The following PRDM16 variants were observed in gnomAD, a reference collection of about 807,000 sequenced individuals.
The protein encoded by PRDM16 is PR/SET domain 16, also known as histone-lysine N-methyltransferase PRDM16.
PRDM16 carries 23 observed loss-of-function variants against 110.6 expected under a neutral mutation model. That is an observed-to-expected ratio of 0.21 (90% confidence interval 0.15 to 0.29). PRDM16 has a LOEUF of 0.29. PRDM16 is among the 10% of genes least tolerant of loss of function. The probability of loss-of-function intolerance (pLI) is 1.00; values close to 1 mark genes in which losing one functional copy is unlikely to be tolerated. For synonymous variants in PRDM16, 799 were observed against 781.8 expected, an observed-to-expected ratio of 1.02 and a Z score of -0.37; for missense variants, 1,615 against 1,794.3, an observed-to-expected ratio of 0.90 and a Z score of 1.81.
intron 10 of PRDM16, among the ~76,000 whole-genome samples, chr1:3,416,508 C>A (rs905233114): frequency 6.6e-6 from 1 of 152,176 alleles, no homozygotes; most frequent in Admixed American, 6.5e-5. Flanking sequence ...CTTCTCCTCA[C>A]CCCCACACCC....
intron 2 of PRDM16, among the ~76,000 whole-genome samples, chr1:3,193,712 A>T (rs1638378266): frequency 2.0e-5 from 3 of 152,126 alleles, no homozygotes; most frequent in African/African-American, 4.8e-5. Flanking sequence ...AATGCATAGG[A>T]AAATGTAAGA....
At chr1:3,419,981 G>GA (rs1045339454) in intron 12 of PRDM16, among the ~76,000 whole-genome samples, 1 of 151,830 alleles carries the variant, frequency 6.6e-6, no homozygotes, top group African/African-American at 2.4e-5. Flanking sequence ...GCTAGCAGCA[G>GA]AAAGATTTAT....
chr1:3,272,583 G>A (rs1184627526), intron 3 of PRDM16, among the ~76,000 whole-genome samples: 2 of 152,228 alleles, frequency 1.3e-5, no homozygotes, highest in African/African-American at 2.4e-5. Flanking sequence ...CAGTGAGCCT[G>A]GGGACATTCA....
chr1:3,219,417 G>A lies in PRDM16; in HGVS notation c.388-24670G>A, dbSNP rs1192396750. Among the ~76,000 whole-genome samples the A allele has an allele frequency of 3.3e-5, 5 of 152,194 alleles. No individual in the cohort carries two copies. The South Asian group carries it at 6.2e-4, about 19-fold the overall frequency. On this transcript the variant is annotated intron_variant, in intron 2 of 16. Transcript: ENST00000270722. ...TCACACAAGACACACATTGTCTGCC[G>A]TGCCAGCTCCCGGAGGACCTGCCTT... is the stretch of plus-strand genomic sequence containing the variant.
chr1:3,419,290 G>A (rs957522654), intron 12 of PRDM16, among the ~76,000 whole-genome samples: 5 of 152,172 alleles, frequency 3.3e-5, no homozygotes, highest in Admixed American at 6.5e-5. Context: ...GATGGGAAGC[G>A]GTGCGTCTGC....
intron 1 of PRDM16, among the ~76,000 whole-genome samples, chr1:3,171,076 C>G (rs567179380): frequency 8.3e-4 from 127 of 152,280 alleles, no homozygotes; most frequent in Non-Finnish European, 1.6e-3. Flanking sequence ...CCCTCAGCGC[C>G]CCACGGAGAC....
In PRDM16 at chr1:3,256,277, G is replaced by A. The variant is rs114782536; in HGVS notation, c.438+12140G>A. Among the ~76,000 whole-genome samples, 1,055 of 152,250 alleles carry A rather than the reference G, an allele frequency of 6.9e-3. 17 individuals carry two copies. Among genetic ancestry groups the A allele is most frequent in the African/African-American group, 0.023 (951 of 41,568 alleles). On this transcript the variant is annotated intron_variant, in intron 3 of 16. Coordinates refer to ENST00000270722, the MANE Select transcript of PRDM16 (RefSeq NM_022114.4). ...CAGGGGCTGCTGCGGGCTGGGGGTC[G>A]GAATGAGTGGGCAGGGCATGGGCTC...
intron 3 of PRDM16, among the ~76,000 whole-genome samples, chr1:3,376,814 T>C (rs1162051288): frequency 6.7e-6 from 1 of 148,924 alleles, no homozygotes; most frequent in East Asian, 2.1e-4. Flanking sequence ...CCAGGCTTGC[T>C]GACCGCCGAC....
At chr1:3,248,085 A>G (rs987986545) in intron 3 of PRDM16, among the ~76,000 whole-genome samples, 1 of 152,236 alleles carries the variant, frequency 6.6e-6, no homozygotes, top group Non-Finnish European at 1.5e-5. Context: ...GCTCGCTGAA[A>G]ATGGATGGAA....
chr1:3,189,831 C>T (rs937629221), intron 2 of PRDM16, among the ~76,000 whole-genome samples: 2 of 152,122 alleles, frequency 1.3e-5, no homozygotes, highest in Admixed American at 6.5e-5. Context: ...GAACAGGGTG[C>T]GCGTCTCTTG....
intron 1 of PRDM16, among the ~76,000 whole-genome samples, chr1:3,137,106 G>A (rs1460866391): frequency 6.6e-6 from 1 of 152,172 alleles, no homozygotes; most frequent in African/African-American, 2.4e-5. Flanking sequence ...CACAGTGCAG[G>A]GGGTGGGAGT....
At chr1:3,182,363 G>T (rs1644221281) in intron 1 of PRDM16, among the ~76,000 whole-genome samples, 1 of 152,206 alleles carries the variant, frequency 6.6e-6, no homozygotes, top group African/African-American at 2.4e-5. Flanking sequence ...GGACGGTGGT[G>T]AGGGATCCCC....
At chr1:3,259,131 G>A (rs1431298263) in intron 3 of PRDM16, among the ~76,000 whole-genome samples, 1 of 152,088 alleles carries the variant, frequency 6.6e-6, no homozygotes, top group Non-Finnish European at 1.5e-5. Flanking sequence ...CTGCAGGGAT[G>A]AGCAGTACCT....
Position 3,320,105 on chromosome 1 carries a change from C to T in PRDM16, c.439-65047C>T, listed in dbSNP as rs59749352. 8.3e-3 allele frequency among the ~76,000 whole-genome samples: 1,264 copies of T among 152,218 alleles called. 15 individuals carry two copies. The highest frequency in any genetic ancestry group is 0.028 in the African/African-American group (1,164 of 41,552). The stretch of plus-strand genomic sequence containing the variant: ...ACTTCCTTGTTCCTGGATATAGAAC[C>T]GGGCAGGGTGTACACCTACGCCTGC... On this transcript the variant is annotated intron_variant, in intron 3 of 16. Coordinates refer to ENST00000270722, the MANE Select transcript of PRDM16 (RefSeq NM_022114.4).
chr1:3,425,559 G>C lies in PRDM16; in HGVS notation c.2940-22G>C. The C allele has an allele frequency of 6.2e-7, 1 of 1,611,974 alleles. No homozygotes were observed. Among genetic ancestry groups the C allele is most frequent in the Non-Finnish European group, 8.5e-7 (1 of 1,178,926 alleles). ...CATGCAGAGCCGGGGCCTGCACTGA[G>C]GAGCGCGTGTGCCCCTTCCAGGTGT... On this transcript the variant is annotated intron_variant, in intron 12 of 16. Transcript: ENST00000270722. The surrounding 1 kb of genome is among the most constrained non-coding windows in gnomAD (Gnocchi z 6.9).
In PRDM16 at chr1:3,408,312, C is replaced by A. The variant is rs76302438; in HGVS notation, c.1186+2664C>A. Among the ~76,000 whole-genome samples the A allele has an allele frequency of 1.2e-3, 176 of 152,264 alleles. 1 individual carries two copies. Among genetic ancestry groups the A allele is most frequent in the African/African-American group, 4.2e-3 (173 of 41,546 alleles). On this transcript the variant is annotated intron_variant, in intron 8 of 16. Coordinates refer to ENST00000270722, the MANE Select transcript of PRDM16 (RefSeq NM_022114.4). ...TTCCCACCAAGGCGCTCACCTGTGC[C>A]CTGGGCTGTGTACAAACGTGTGTGT...
intron 1 of PRDM16, among the ~76,000 whole-genome samples, chr1:3,075,552 G>T (rs1641877403): frequency 6.6e-6 from 1 of 152,198 alleles, no homozygotes; most frequent in African/African-American, 2.4e-5. Flanking sequence ...GGTAATTCTA[G>T]AATCTAAGGA....
intron 1 of PRDM16, among the ~76,000 whole-genome samples, chr1:3,107,006 T>C (rs1308012727): frequency 6.6e-6 from 1 of 152,190 alleles, no homozygotes; most frequent in African/African-American, 2.4e-5. Context: ...GATGGCAGCA[T>C]GGCCAGGGGG....
In PRDM16 at chr1:3,412,475, G is replaced by T; in HGVS notation, c.2278G>T (p.Asp760Tyr). Residue 760 changes from aspartate (D) to tyrosine (Y), a missense_variant, in exon 9 of 17, where the codon GAC becomes TAC. Asp to Tyr is a radical substitution (Grantham distance 160, BLOSUM62 -3). Coordinates refer to ENST00000270722, the MANE Select transcript of PRDM16 (RefSeq NM_022114.4). ...LVKAEPKSPRDALKVGGPSAE... is the reference protein window; with the variant it reads ...LVKAEPKSPRYALKVGGPSAE... ...CAAGGCCGAGCCAAAGTCACCCCGG[G>T]ACGCCCTCAAGGTGGGCGGCCCCAG... 1 of 1,613,416 alleles carries T rather than the reference G, an allele frequency of 6.2e-7. No individual in the cohort carries two copies. Among genetic ancestry groups the T allele is most frequent in the Non-Finnish European group, 8.5e-7 (1 of 1,180,012 alleles).
Sources: allele counts gnomAD v4.1 joint callset (sites outside exome capture counted in the v4.1 genomes callset), GRCh38; gene constraint gnomAD v4.1.1; non-coding constraint Gnocchi (gnomAD v3.1); transcripts MANE v1.5; gene names NCBI Gene and HGNC (gene_info 2026-07-23, HGNC 2026-07-21).